Variants in SDCBP observed in about 807,000 individuals in gnomAD.
SDCBP encodes syndecan binding protein.
SDCBP carries 22 observed loss-of-function variants against 30.5 expected under a neutral mutation model. That is an observed-to-expected ratio of 0.72 (90% CI 0.52 to 1.03). The LOEUF (loss-of-function observed/expected upper bound fraction) is 1.03. Ranked by LOEUF, SDCBP falls within the 50% of genes least tolerant of loss-of-function variation. The pLI is 0.00. For synonymous variants in SDCBP, 103 were observed against 118.7 expected, an observed-to-expected ratio of 0.87 and a Z score of 0.86; for missense variants, 304 against 369.9, an observed-to-expected ratio of 0.82 and a Z score of 1.46.
intron 4 of SDCBP, among the ~76,000 whole-genome samples, chr8:58,573,288 C>G (rs1289643177): frequency 1.3e-5 from 2 of 151,954 alleles, no homozygotes; most frequent in Admixed American, 1.3e-4. Context: ...TTGCCATATC[C>G]CAATGCATAT....
chr8:58,565,420 A>T (rs1030471240), intron 2 of SDCBP, among the ~76,000 whole-genome samples: 1 of 152,034 alleles, frequency 6.6e-6, no homozygotes, highest in Non-Finnish European at 1.5e-5. Context: ...AAATTGGTAT[A>T]TTTTTCTTTT....
chr8:58,560,810 A>AT (rs1467199342), intron 1 of SDCBP: 8 of 152,158 alleles, frequency 5.3e-5, no homozygotes, highest in African/African-American at 1.2e-4. Context: ...GAGGGGTGAT[A>AT]TTTTTTCAAA....
At chr8:58,570,802 G>T in intron 2 of SDCBP, 85 bp from the exon 3 acceptor site, 2 of 843,398 alleles carry the variant, frequency 2.4e-6, no homozygotes, top group Non-Finnish European at 3.7e-6. Flanking sequence ...TTTCTTTTTG[G>T]AAGTACTGGA....
intron 1 of SDCBP, among the ~76,000 whole-genome samples, chr8:58,556,031 G>A (rs1804077688): frequency 6.6e-6 from 1 of 152,152 alleles, no homozygotes; most frequent in African/African-American, 2.4e-5. Context: ...GATATCAGTA[G>A]TTGAAATAGG....
At chr8:58,574,811 A>G (rs940894192) in intron 4 of SDCBP, among the ~76,000 whole-genome samples, 1 of 152,186 alleles carries the variant, frequency 6.6e-6, no homozygotes, top group African/African-American at 2.4e-5. Context: ...AATGATTACC[A>G]CAGTCAGGGT....
At chr8:58,574,219 A>G (rs1336593909) in intron 4 of SDCBP, among the ~76,000 whole-genome samples, 3 of 152,160 alleles carry the variant, frequency 2.0e-5, no homozygotes, top group Non-Finnish European at 4.4e-5. Flanking sequence ...ATATGATACT[A>G]ATTACCCTTC....
chr8:58,553,868 G>T (rs1803957552), intron 1 of SDCBP, among the ~76,000 whole-genome samples: 1 of 152,214 alleles, frequency 6.6e-6, no homozygotes, highest in African/African-American at 2.4e-5. Flanking sequence ...GGTGGGGAGA[G>T]GTTGTTCGCT....
intron 7 of SDCBP, among the ~76,000 whole-genome samples, chr8:58,580,236 TAC>T (rs1254111001): frequency 6.6e-6 from 1 of 152,218 alleles, no homozygotes; most frequent in Non-Finnish European, 1.5e-5. Context: ...TGATTTAGAA[TAC>T]ACAGTTAATA....
Position 58,582,020 on chromosome 8 carries a change from A to G in SDCBP, c.*280A>G. 2.4e-6 allele frequency: 1 copy of G among 414,102 alleles called. No homozygotes were observed. Among genetic ancestry groups the G allele is most frequent in the Non-Finnish European group, 4.4e-6 (1 of 226,528 alleles). The allele number at this position is 414,102 out of a possible 1,614,324, so 25.7% of individuals were successfully genotyped here. A position where few individuals can be genotyped will look rare whatever the true frequency, so the allele number is the denominator to read the frequency against. ...CTACTGGAAACCTGATGCTTTTATA[A>G]GCCATTGTGATTAGGATGACTGTTA... On this transcript the variant is annotated 3_prime_UTR_variant, in exon 9 of 9. Transcript: ENST00000260130.
chr8:58,575,076 G>A (rs1805246243), intron 4 of SDCBP, among the ~76,000 whole-genome samples: 1 of 152,120 alleles, frequency 6.6e-6, no homozygotes, highest in African/African-American at 2.4e-5. Flanking sequence ...CTATTTCTGT[G>A]AGTTTGACTC....
At chr8:58,574,436 T>C (rs992921294) in intron 4 of SDCBP, among the ~76,000 whole-genome samples, 1 of 152,216 alleles carries the variant, frequency 6.6e-6, no homozygotes, top group Non-Finnish European at 1.5e-5. Flanking sequence ...CATGAGGCTG[T>C]AGTTAAAATT....
intron 1 of SDCBP, chr8:58,560,456 C>A (rs548087604): frequency 6.6e-6 from 1 of 152,118 alleles, no homozygotes; most frequent in Admixed American, 6.6e-5. Flanking sequence ...AGAGCTACCC[C>A]CAAGGGACTG....
intron 4 of SDCBP, among the ~76,000 whole-genome samples, chr8:58,575,143 T>C (rs79261120): frequency 0.017 from 2,581 of 152,316 alleles, 33 homozygotes; most frequent in African/African-American, 0.036. Flanking sequence ...CTGTGTCTGG[T>C]TTATTTCACT....
chr8:58,572,751 T>C (rs1805096407), intron 4 of SDCBP, among the ~76,000 whole-genome samples: 1 of 150,734 alleles, frequency 6.6e-6, no homozygotes, highest in Non-Finnish European at 1.5e-5. Context: ...GCTAAGTTAA[T>C]CATTCTGAAA....
chr8:58,576,315 C>CCT (rs1805312285), intron 5 of SDCBP: 1 of 337,240 alleles, frequency 3.0e-6, no homozygotes, highest in Non-Finnish European at 5.5e-6. Flanking sequence ...ATTTCACTGG[C>CCT]CTACATATAT....
At chr8:58,567,954 T>TG (rs1413529815) in intron 2 of SDCBP, among the ~76,000 whole-genome samples, 1 of 152,192 alleles carries the variant, frequency 6.6e-6, no homozygotes, top group Non-Finnish European at 1.5e-5. Context: ...GACTAGAAGT[T>TG]GCGCTGGGTA....
rs373550002 is a variant in SDCBP, at chr8:58,578,213, G to A, written c.578+5G>A. ...TACCATGACCATTCGTGACAGGTAAGCTGTTACTAAACAGCTCAAATGAAA... is the reference window on the plus strand; with the variant it reads ...TACCATGACCATTCGTGACAGGTAAACTGTTACTAAACAGCTCAAATGAAA... On this transcript the variant is annotated splice_donor_5th_base_variant and intron_variant, in intron 6 of 8. Transcript: ENST00000260130. 6.5e-7 allele frequency: 1 copy of A among 1,530,824 alleles called. No homozygotes were observed. Among genetic ancestry groups the A allele is most frequent in the African/African-American group, 1.4e-5 (1 of 70,762 alleles). The allele number at this position is 1,530,824 out of a possible 1,614,324, so 94.8% of individuals were successfully genotyped here. A position where few individuals can be genotyped will look rare whatever the true frequency, so the allele number is the denominator to read the frequency against.
chr8:58,581,657 G>T, intron 8 of SDCBP, 29 bp from the exon 9 acceptor site: 1 of 1,562,804 alleles, frequency 6.4e-7, no homozygotes, highest in Middle Eastern at 1.7e-4. Context: ...CCAGAATCTC[G>T]GTATATAATA....
At chr8:58,556,153 G>C (rs970481748) in intron 1 of SDCBP, among the ~76,000 whole-genome samples, 1 of 152,136 alleles carries the variant, frequency 6.6e-6, no homozygotes, top group Non-Finnish European at 1.5e-5. Context: ...TTAATACAGC[G>C]GTTCCCGACA....
Sources: gnomAD v4.1 joint callset for allele counts (sites outside exome capture counted in the v4.1 genomes callset) on GRCh38, gnomAD v4.1.1 for gene constraint, MANE v1.5 for transcripts, NCBI Gene and HGNC (gene_info 2026-07-23, HGNC 2026-07-21) for gene names.